FBXO4: variants seen among roughly 807,000 people sequenced by gnomAD.
FBXO4 encodes F-box only protein 4.
In FBXO4, 36 loss-of-function variants were observed where a neutral mutation model predicts 43.7. The observed-to-expected ratio is 0.82, with a 90% confidence interval of 0.63 to 1.09. The LOEUF (loss-of-function observed/expected upper bound fraction) is 1.09, where lower values mean the gene tolerates loss of function less well. FBXO4 is among the 50% of genes least tolerant of loss of function. FBXO4 has a pLI of 0.00. For missense variants in FBXO4, 435 were observed against 474.1 expected, an observed-to-expected ratio of 0.92 and a Z score of 0.77; for synonymous variants, 180 against 165.6, an observed-to-expected ratio of 1.09 and a Z score of -0.67.
the FBXO4 span, chr5:41,967,312 C>T: frequency 2.3e-6 from 1 of 442,824 alleles, no homozygotes; most frequent in Non-Finnish European, 4.4e-6. Flanking sequence ...CCTTTAAAAT[C>T]CACATTTCCA....
the FBXO4 span, among the ~76,000 whole-genome samples, chr5:42,003,891 T>A: frequency 6.6e-5 from 10 of 152,244 alleles, no homozygotes; most frequent in East Asian, 1.7e-3. Flanking sequence ...ACCCAAAGAA[T>A]TATAAATCAT....
At chr5:41,942,216 C>G (rs1345450851), downstream of FBXO4, among the ~76,000 whole-genome samples, 1 of 151,816 alleles carries the variant, frequency 6.6e-6, no homozygotes, top group Non-Finnish European at 1.5e-5. Flanking sequence ...AGAATTTTGC[C>G]TAATGGACTA....
At chr5:42,004,803 G>A in the FBXO4 span, among the ~76,000 whole-genome samples, 3 of 152,240 alleles carry the variant, frequency 2.0e-5, no homozygotes, top group East Asian at 5.8e-4. Flanking sequence ...CGGTGGTGAG[G>A]TAGGGTGGTG....
At chr5:41,975,794 G>C in the FBXO4 span, among the ~76,000 whole-genome samples, 1 of 152,110 alleles carries the variant, frequency 6.6e-6, no homozygotes, top group African/African-American at 2.4e-5. Flanking sequence ...ATTAAACTTA[G>C]TGTGTTAGGC....
At chr5:41,925,526 A>G in intron 1 of FBXO4, 28 bp downstream of exon 1, 1 of 1,296,590 alleles carries the variant, frequency 7.7e-7, no homozygotes, top group South Asian at 2.4e-5. Flanking sequence ...GCCGCGGAGG[A>G]CAGTGGGGCC....
chr5:41,939,496 T>C lies in FBXO4; in HGVS notation c.954T>C (p.Phe318=). 1 of 1,613,874 alleles carries C rather than the reference T, an allele frequency of 6.2e-7. No homozygotes were observed. Among genetic ancestry groups the C allele is most frequent in the Non-Finnish European group, 8.5e-7 (1 of 1,179,820 alleles). ...TTATGGCAATGACAGATCCAGCCTT[T>C]GGGTCTTCGGGAAGACCATTGTTGG... The part of the protein sequence containing the change: ...SHIMAMTDPA[F]GSSGRPLLVL... The change falls in exon 6 of 7, where the codon TTT becomes TTC. Residue 318 remains phenylalanine (F), a synonymous_variant. Transcript: ENST00000281623.
chr5:42,029,535 C>A, the FBXO4 span, among the ~76,000 whole-genome samples: 1 of 152,012 alleles, frequency 6.6e-6, no homozygotes, highest in African/African-American at 2.4e-5. Flanking sequence ...ATTTCCTACT[C>A]CTATCTCTTT....
the FBXO4 span, among the ~76,000 whole-genome samples, chr5:41,971,205 G>GGT: frequency 0.083 from 12,210 of 147,358 alleles, 492 homozygotes; most frequent in South Asian, 0.094. Context: ...ACTAGAGAGA[G>GGT]GTGTGTGTGT....
chr5:41,974,696 T>C, the FBXO4 span, among the ~76,000 whole-genome samples: 2 of 152,214 alleles, frequency 1.3e-5, no homozygotes, highest in Non-Finnish European at 2.9e-5. Context: ...CTTTAAAACA[T>C]ATTAATCAAA....
the FBXO4 span, among the ~76,000 whole-genome samples, chr5:41,997,266 G>A: frequency 6.6e-6 from 1 of 152,232 alleles, no homozygotes; most frequent in Non-Finnish European, 1.5e-5. Context: ...ATAATCCATT[G>A]TCATTCTCCA....
chr5:41,948,293 G>A, the FBXO4 span, among the ~76,000 whole-genome samples: 5 of 151,862 alleles, frequency 3.3e-5, no homozygotes, highest in Admixed American at 6.6e-5. Context: ...CTGCCACCAC[G>A]CCCGGCTAAT....
chr5:42,024,451 T>A, the FBXO4 span, among the ~76,000 whole-genome samples: 1 of 152,016 alleles, frequency 6.6e-6, no homozygotes, highest in African/African-American at 2.4e-5. Context: ...GGTATATGTT[T>A]ATATAGGGGT....
chr5:41,966,605 A>AT, the FBXO4 span, among the ~76,000 whole-genome samples: 11 of 152,038 alleles, frequency 7.2e-5, no homozygotes, highest in Non-Finnish European at 1.5e-4. Context: ...TGTAGTTTTT[A>AT]TTTTTTTCCT....
At chr5:41,933,077 T>C (rs1476325335) in intron 3 of FBXO4, among the ~76,000 whole-genome samples, 2 of 152,200 alleles carry the variant, frequency 1.3e-5, no homozygotes, top group African/African-American at 4.8e-5. Context: ...TAGTTCAACT[T>C]CTTTTTGGTG....
the FBXO4 span, chr5:41,968,033 C>T: frequency 2.5e-6 from 1 of 401,158 alleles, no homozygotes; most frequent in East Asian, 6.2e-5. Flanking sequence ...TCCTGCCGCA[C>T]TTCCTGCTTG....
the FBXO4 span, among the ~76,000 whole-genome samples, chr5:42,040,163 A>G: frequency 6.6e-6 from 1 of 152,062 alleles, no homozygotes; most frequent in African/African-American, 2.4e-5. Context: ...CTTTTGCAAG[A>G]TGTATCCCAT....
intron 2 of FBXO4, among the ~76,000 whole-genome samples, chr5:41,927,959 A>C (rs375492687): frequency 4.3e-4 from 65 of 152,310 alleles, no homozygotes; most frequent in African/African-American, 1.5e-3. Context: ...GAGAAACTCA[A>C]ATTTAACGCA....
At chr5:41,939,733 A>T in intron 6 of FBXO4, 117 bp downstream of exon 6, 1 of 770,580 alleles carries the variant, frequency 1.3e-6, no homozygotes, top group Non-Finnish European at 2.0e-6. Context: ...CAATTTTAAT[A>T]GCTTAATCTA....
At chr5:41,930,167 A>G in intron 3 of FBXO4, 1 of 432,804 alleles carries the variant, frequency 2.3e-6, no homozygotes, top group Non-Finnish European at 4.1e-6. Flanking sequence ...TTTGTTGTCA[A>G]GATGTTGCAT....
Sources: gnomAD v4.1 joint callset for allele counts (sites outside exome capture counted in the v4.1 genomes callset) on GRCh38, gnomAD v4.1.1 for gene constraint, MANE v1.5 for transcripts, NCBI Gene and HGNC (gene_info 2026-07-23, HGNC 2026-07-21) for gene names.